The following C1orf21 variants were observed in gnomAD, a reference collection of about 807,000 sequenced individuals.
The protein encoded by C1orf21 is uncharacterized protein C1orf21.
Under a neutral mutation model 18.7 loss-of-function variants are expected in C1orf21, and 3 were observed. The ratio of observed to expected loss-of-function variants is 0.16; its 90% CI spans 0.07 to 0.42. C1orf21 has a LOEUF of 0.42. Among genes scored for constraint, C1orf21 ranks in the 10% least tolerant of loss-of-function variants. The pLI, the probability that C1orf21 is intolerant of heterozygous loss-of-function variation, is 0.99. For missense variants in C1orf21, 104 were observed against 143.6 expected (o/e 0.72, Z 1.41); for synonymous variants, 41 against 46.4 (o/e 0.88, Z 0.47).
At chr1:184,430,401 G>C (rs896944285) in intron 1 of C1orf21, among the ~76,000 whole-genome samples, 1 of 152,130 alleles carries the variant, frequency 6.6e-6, no homozygotes, top group African/African-American at 2.4e-5. Flanking sequence ...GATTTGTAAG[G>C]CTTTGATTAA....
chr1:184,403,339 A>G (rs1264225308), intron 1 of C1orf21, among the ~76,000 whole-genome samples: 1 of 152,266 alleles, frequency 6.6e-6, no homozygotes, highest in African/African-American at 2.4e-5. Flanking sequence ...ATAGAAGACT[A>G]ATACAATATG....
At chr1:184,489,850 G>A (rs544702060) in intron 2 of C1orf21, among the ~76,000 whole-genome samples, 33 of 152,302 alleles carry the variant, frequency 2.2e-4, no homozygotes, top group African/African-American at 7.7e-4. Context: ...CTTTTACGAT[G>A]GCAGTCTCTT....
At chr1:184,472,625 T>C (rs1208786939) in intron 1 of C1orf21, among the ~76,000 whole-genome samples, 2 of 152,206 alleles carry the variant, frequency 1.3e-5, no homozygotes, top group Non-Finnish European at 2.9e-5. Flanking sequence ...GATTTTGCTT[T>C]TTTTATTCCT....
chr1:184,628,557 C>T lies in C1orf21; in HGVS notation c.*9001C>T, dbSNP rs527873379. The T allele has an allele frequency of 6.6e-6, 1 of 152,592 alleles. No individual in the cohort carries two copies. The highest frequency in any genetic ancestry group is 6.5e-5 in the Admixed American group (1 of 15,288). The allele number at this position is 152,592 out of a possible 1,614,324, so 9.5% of individuals were successfully genotyped here. Reference sequence around the variant, plus strand: ...ATAAGAAAGTCCTAAGGCAGAATCCCCAGGAACTTCAAATCTGGGAGATGA... The same window carrying T: ...ATAAGAAAGTCCTAAGGCAGAATCCTCAGGAACTTCAAATCTGGGAGATGA... On this transcript the variant is annotated 3_prime_UTR_variant, in exon 6 of 6. Coordinates refer to ENST00000235307, the MANE Select transcript of C1orf21 (RefSeq NM_030806.4).
At chr1:184,533,458 G>A (rs1658500124) in intron 3 of C1orf21, among the ~76,000 whole-genome samples, 1 of 152,114 alleles carries the variant, frequency 6.6e-6, no homozygotes, top group African/African-American at 2.4e-5. Flanking sequence ...CTGTGATCTT[G>A]AACATAATGT....
intron 3 of C1orf21, among the ~76,000 whole-genome samples, chr1:184,511,778 A>T (rs1213812724): frequency 6.6e-6 from 1 of 152,090 alleles, no homozygotes; most frequent in Non-Finnish European, 1.5e-5. Flanking sequence ...AGAAGGGAAA[A>T]CAAACCCGTT....
intron 3 of C1orf21, among the ~76,000 whole-genome samples, chr1:184,589,916 C>T (rs948932719): frequency 6.6e-6 from 1 of 152,170 alleles, no homozygotes; most frequent in Non-Finnish European, 1.5e-5. Context: ...ATTCCTCACT[C>T]TAGATTTGGT....
chr1:184,499,350 T>G (rs570867091), intron 2 of C1orf21, among the ~76,000 whole-genome samples: 3 of 152,336 alleles, frequency 2.0e-5, no homozygotes, highest in Admixed American at 2.0e-4. Context: ...AACTTCAGTT[T>G]TCTCCTTTTA....
Position 184,602,604 on chromosome 1 carries a change from A to AT in C1orf21, c.327+4147dup, listed in dbSNP as rs1659600014. ...CAGTTTTCTGTGGAGCAAAATAGTGATTTTAAACTTCATTTTTTCACTGTA... is the reference window on the plus strand; with the variant it reads ...CAGTTTTCTGTGGAGCAAAATAGTGATTTTTAAACTTCATTTTTTCACTGTA... On this transcript the variant is annotated intron_variant, in intron 5 of 5. Transcript: ENST00000235307. Among the ~76,000 whole-genome samples, 6 of 152,192 alleles carry AT rather than the reference A, an allele frequency of 3.9e-5. No homozygotes were observed. In the South Asian group the frequency reaches 1.2e-3, roughly 31 times the overall value.
intron 4 of C1orf21, among the ~76,000 whole-genome samples, chr1:184,596,486 GT>G (rs138321145): frequency 6.6e-6 from 1 of 152,122 alleles, no homozygotes; most frequent in African/African-American, 2.4e-5. Context: ...TAAAAATGCC[GT>G]TTTTTATGAG....
At chr1:184,616,688 GCT>G (rs1659829062) in intron 5 of C1orf21, among the ~76,000 whole-genome samples, 1 of 151,320 alleles carries the variant, frequency 6.6e-6, no homozygotes, top group Admixed American at 6.6e-5. Context: ...ACGTGTGTGT[GCT>G]TGTGTGTGCA....
chr1:184,388,246 GC>G (rs1356333843), intron 1 of C1orf21, among the ~76,000 whole-genome samples: 2 of 152,178 alleles, frequency 1.3e-5, no homozygotes, highest in African/African-American at 4.8e-5. Flanking sequence ...GCTCTGAATG[GC>G]TCAGGCATGT....
intron 3 of C1orf21, among the ~76,000 whole-genome samples, chr1:184,523,892 A>T (rs1658341591): frequency 6.6e-6 from 1 of 152,132 alleles, no homozygotes; most frequent in African/African-American, 2.4e-5. Flanking sequence ...CACTTTATGT[A>T]GGGTTATTGA....
chr1:184,549,555 A>G (rs2101981033), intron 3 of C1orf21, among the ~76,000 whole-genome samples: 1 of 151,910 alleles, frequency 6.6e-6, no homozygotes, highest in Admixed American at 6.6e-5. Flanking sequence ...TGGTAAGGAG[A>G]TAACATTGTA....
intron 2 of C1orf21, among the ~76,000 whole-genome samples, chr1:184,500,999 C>G (rs549370056): frequency 5.0e-4 from 76 of 152,352 alleles, no homozygotes; most frequent in Admixed American, 1.7e-3. Flanking sequence ...CCTGCCTCAA[C>G]AGACTGGTCC....
chr1:184,474,698 G>A (rs1469329062), intron 1 of C1orf21, among the ~76,000 whole-genome samples: 1 of 152,172 alleles, frequency 6.6e-6, no homozygotes, highest in Non-Finnish European at 1.5e-5. Context: ...AGTGTACCCT[G>A]ATTTTGTTAG....
chr1:184,568,355 G>T (rs1367350380), intron 3 of C1orf21: 3 of 455,556 alleles, frequency 6.6e-6, no homozygotes, highest in South Asian at 1.6e-5. Context: ...CTTAAACTTT[G>T]TACCCATTAA....
At chr1:184,456,185 A>G (rs541500136) in intron 1 of C1orf21, among the ~76,000 whole-genome samples, 90 of 152,308 alleles carry the variant, frequency 5.9e-4, no homozygotes, top group African/African-American at 1.9e-3. Flanking sequence ...TTCTGCCTAT[A>G]TAAGTGAAAC....
At chr1:184,475,171 G>T (rs1269247295) in intron 1 of C1orf21, among the ~76,000 whole-genome samples, 4 of 152,122 alleles carry the variant, frequency 2.6e-5, no homozygotes, top group African/African-American at 9.7e-5. Flanking sequence ...ATGACAGGTT[G>T]ACAGAATGGA....
Sources: gnomAD v4.1 joint callset for allele counts (sites outside exome capture counted in the v4.1 genomes callset) on GRCh38, gnomAD v4.1.1 for gene constraint, MANE v1.5 for transcripts, NCBI Gene and HGNC (gene_info 2026-07-23, HGNC 2026-07-21) for gene names.